Variants in LAMA2 observed in about 807,000 individuals in gnomAD.
LAMA2 encodes the protein laminin subunit alpha-2.
Under a neutral mutation model 364.8 loss-of-function variants are expected in LAMA2, and 269 were observed. That is an observed-to-expected ratio of 0.74 (90% CI 0.67 to 0.82). LAMA2 has a LOEUF of 0.82. Ranked by LOEUF, LAMA2 falls within the 40% of genes least tolerant of loss-of-function variation. The pLI is 0.00. For synonymous variants in LAMA2, 1,379 were observed against 1,370.6 expected (o/e 1.01, Z -0.14); for missense variants, 3,807 against 3,873.2 (o/e 0.98, Z 0.45).
At chr6:129,374,954 T>C (rs1327016715) in intron 34 of LAMA2, among the ~76,000 whole-genome samples, 1 of 151,738 alleles carries the variant, frequency 6.6e-6, no homozygotes, top group East Asian at 1.9e-4. Context: ...ATACAGTCTT[T>C]AGATTTAAGA....
chr6:128,934,680 G>C (rs1779704310), intron 1 of LAMA2, among the ~76,000 whole-genome samples: 2 of 151,796 alleles, frequency 1.3e-5, no homozygotes, highest in Admixed American at 6.6e-5. Flanking sequence ...TTTATTTTTT[G>C]TATTTCTTAG....
chr6:129,055,383 G>A (rs942843743), intron 2 of LAMA2, among the ~76,000 whole-genome samples: 1 of 151,700 alleles, frequency 6.6e-6, no homozygotes, highest in Non-Finnish European at 1.5e-5. Flanking sequence ...TAGTAGAGAT[G>A]GAGTTTCACC....
In LAMA2 at chr6:129,369,924, G is replaced by A. The variant is rs577763966; in HGVS notation, c.4893G>A (p.Arg1631=). 8 of 1,614,072 alleles carry A rather than the reference G, an allele frequency of 5.0e-6. No homozygotes were observed. Among genetic ancestry groups the A allele is most frequent in the African/African-American group, 1.3e-5 (1 of 75,010 alleles). Residue 1631 remains arginine, a synonymous_variant, in exon 34 of 65, where the codon AGG becomes AGA. Coordinates refer to ENST00000421865, the MANE Select transcript of LAMA2 (RefSeq NM_000426.4). ...TGTCACCTCAGCGGGCCCCAGAGAG[G>A]CTTATTCAGCTGGCAGAGGGCAATC... ...HLLSPQRAPE[R]LIQLAEGNLN... is the part of the protein sequence containing the mutation.
chr6:129,387,173 T>G (rs1270739174), intron 35 of LAMA2, among the ~76,000 whole-genome samples: 1 of 152,222 alleles, frequency 6.6e-6, no homozygotes, highest in Non-Finnish European at 1.5e-5. Context: ...TTTTCCTTTT[T>G]ACTTTAAGTT....
intron 2 of LAMA2, among the ~76,000 whole-genome samples, chr6:129,051,980 T>A (rs916687409): frequency 8.7e-6 from 1 of 115,158 alleles, no homozygotes; most frequent in Non-Finnish European, 1.8e-5. Flanking sequence ...AAACCATAAG[T>A]GTGTGTATAT....
intron 1 of LAMA2, among the ~76,000 whole-genome samples, chr6:128,966,632 C>A (rs1344524000): frequency 5.9e-4 from 1 of 1,706 alleles, no homozygotes; most frequent in Admixed American, 0.019. Context: ...CTGAAAAATT[C>A]TTATTATTTG....
At chr6:129,146,359 G>A (rs1778431535) in intron 5 of LAMA2, among the ~76,000 whole-genome samples, 1 of 151,900 alleles carries the variant, frequency 6.6e-6, no homozygotes, top group South Asian at 2.1e-4. Context: ...ATAGCTCTAT[G>A]TTAACTTCAT....
intron 1 of LAMA2, among the ~76,000 whole-genome samples, chr6:129,048,042 C>T (rs1022897789): frequency 6.6e-6 from 1 of 152,148 alleles, no homozygotes; most frequent in Non-Finnish European, 1.5e-5. Flanking sequence ...TAACACCTCT[C>T]TGCCTTCTTA....
At chr6:129,513,218 C>T (rs939195093) in intron 63 of LAMA2, among the ~76,000 whole-genome samples, 2 of 152,108 alleles carry the variant, frequency 1.3e-5, no homozygotes, top group Non-Finnish European at 2.9e-5. Flanking sequence ...CACACAGTGA[C>T]CTAAAATAGT....
In LAMA2 at chr6:129,361,317, C is replaced by T. The variant is rs533239185; in HGVS notation, c.4718-4902C>T. ...AATTGTTACTACTGCTGTTTTTAAC[C>T]TATGAATTGCAGCTTGAAAGTCTCT... is the stretch of plus-strand genomic sequence containing the variant. On this transcript the variant is annotated intron_variant, in intron 32 of 64. Transcript: ENST00000421865. 2.0e-5 allele frequency among the ~76,000 whole-genome samples: 3 copies of T among 152,274 alleles called. No homozygotes were observed. The East Asian group carries it at 5.8e-4, about 29-fold the overall frequency.
intron 4 of LAMA2, among the ~76,000 whole-genome samples, chr6:129,100,200 T>C (rs1775442181): frequency 6.6e-6 from 1 of 152,216 alleles, no homozygotes; most frequent in Non-Finnish European, 1.5e-5. Flanking sequence ...CCTGCCAATA[T>C]GAAACAAAAG....
intron 1 of LAMA2, among the ~76,000 whole-genome samples, chr6:128,932,869 G>T (rs1779568937): frequency 6.6e-6 from 1 of 152,174 alleles, no homozygotes; most frequent in South Asian, 2.1e-4. Context: ...TTTAAGATCT[G>T]TGTTTGGAAA....
intron 51 of LAMA2, 139 bp from the exon 52 acceptor site, chr6:129,473,075 T>G: frequency 1.6e-6 from 1 of 622,466 alleles, no homozygotes; most frequent in Admixed American, 2.9e-5. Context: ...ATTATTAAAT[T>G]GCTAAATATA....
At position 129,300,807 on chromosome 6, in the gene LAMA2, A is replaced by T. The variant is rs1583447620; in HGVS notation, c.3109A>T (p.Ile1037Phe). Residue 1037 changes from isoleucine (I) to phenylalanine (F), a missense_variant, in exon 22 of 65, where the codon ATT becomes TTT. Ile to Phe is a conservative substitution (Grantham distance 21). This residue lies in a region of LAMA2 where 3,333 missense variants were observed against 3,345.7 expected (regional missense o/e 1.00). Transcript: ENST00000421865. ...TGRCICPPNTIGEKCSKCAPN... is the reference protein window; with the variant it reads ...TGRCICPPNTFGEKCSKCAPN... ...GCGATGCATTTGCCCTCCCAATACC[A>T]TTGGAGAGAAATGTTCTAAATGTGC... 1.2e-6 allele frequency: 2 copies of T among 1,613,268 alleles called. No individual in the cohort carries two copies. The highest frequency in any genetic ancestry group is 1.7e-6 in the Non-Finnish European group (2 of 1,179,264).
At chr6:128,897,165 A>G (rs2114402814) in intron 1 of LAMA2, among the ~76,000 whole-genome samples, 1 of 152,346 alleles carries the variant, frequency 6.6e-6, no homozygotes, top group South Asian at 2.1e-4. Context: ...CTCAACCCTG[A>G]AAGAGTACAA....
rs763514322 is a variant in LAMA2 at position 129,315,499 on chromosome 6, C to A, written c.3579C>A (p.Thr1193=). The A allele has an allele frequency of 2.5e-6, 4 of 1,614,118 alleles. No individual in the cohort carries two copies. Among genetic ancestry groups the A allele is most frequent in the Non-Finnish European group, 3.4e-6 (4 of 1,179,964 alleles). ...AGGTGACTCTGAAGGCTGAGCAGACCATTCTACCCCTGGTAGATGAGGCTC... is the reference window on the plus strand; with the variant it reads ...AGGTGACTCTGAAGGCTGAGCAGACAATTCTACCCCTGGTAGATGAGGCTC... ...RTWVTLKAEQ[T]ILPLVDEALQ... is the part of the protein sequence containing the mutation. Residue 1193 remains threonine, a synonymous_variant, in exon 25 of 65, where the codon ACC becomes ACA. Transcript: ENST00000421865.
intron 14 of LAMA2, among the ~76,000 whole-genome samples, chr6:129,256,859 T>C (rs895126836): frequency 6.7e-6 from 1 of 148,220 alleles, no homozygotes; most frequent in Non-Finnish European, 1.5e-5. Flanking sequence ...TAAAGTGTCA[T>C]GTTTTGTGCT....
At chr6:129,051,038 T>G (rs1787963098) in intron 2 of LAMA2, among the ~76,000 whole-genome samples, 1 of 152,004 alleles carries the variant, frequency 6.6e-6, no homozygotes, top group Non-Finnish European at 1.5e-5. Context: ...GTAAATTCAG[T>G]GCTAAAATAA....
intron 1 of LAMA2, among the ~76,000 whole-genome samples, chr6:128,974,603 A>T (rs1782404943): frequency 6.6e-6 from 1 of 152,170 alleles, no homozygotes; most frequent in African/African-American, 2.4e-5. Flanking sequence ...CCCAAAGTTA[A>T]TATATTTCCT....
Sources: gnomAD v4.1 joint callset for allele counts (sites outside exome capture counted in the v4.1 genomes callset) on GRCh38, gnomAD v4.1.1 for gene constraint, gnomAD v4.1.1 regional missense constraint, MANE v1.5 for transcripts, NCBI Gene and HGNC (gene_info 2026-07-23, HGNC 2026-07-21) for gene names.